MYO1B: variants seen among roughly 807,000 people sequenced by gnomAD.
The protein encoded by MYO1B is myosin IB.
Under a neutral mutation model 159.7 loss-of-function variants are expected in MYO1B, and 72 were observed. The ratio of observed to expected loss-of-function variants is 0.45; its 90% confidence interval spans 0.37 to 0.55. MYO1B has a LOEUF of 0.55. MYO1B is among the 20% of genes least tolerant of loss of function. The probability of loss-of-function intolerance (pLI) is 0.00; values close to 1 mark genes in which losing one functional copy is unlikely to be tolerated. For synonymous variants in MYO1B, 468 were observed against 473.8 expected (o/e 0.99, Z 0.16); for missense variants, 1,062 against 1,364.8 (o/e 0.78, Z 3.50).
intron 9 of MYO1B, among the ~76,000 whole-genome samples, chr2:191,363,118 T>C (rs1693779132): frequency 6.6e-6 from 1 of 152,230 alleles, no homozygotes; most frequent in African/African-American, 2.4e-5. Flanking sequence ...AAAAAGAAAG[T>C]ATCTCTTACA....
intron 30 of MYO1B, among the ~76,000 whole-genome samples, chr2:191,419,063 T>C (rs982844071): frequency 6.6e-6 from 1 of 152,242 alleles, no homozygotes; most frequent in Non-Finnish European, 1.5e-5. Flanking sequence ...GTTGTAATGT[T>C]ATAGTGCAAG....
At chr2:191,417,672 C>T (rs1158345813) in intron 30 of MYO1B, among the ~76,000 whole-genome samples, 1 of 152,120 alleles carries the variant, frequency 6.6e-6, no homozygotes, top group Non-Finnish European at 1.5e-5. Flanking sequence ...TTTCCCAAAC[C>T]GGGATTCTAG....
intron 7 of MYO1B, among the ~76,000 whole-genome samples, chr2:191,354,274 TAATAATA>T (rs1257354778): frequency 6.8e-6 from 1 of 146,932 alleles, no homozygotes; most frequent in African/African-American, 2.5e-5. Flanking sequence ...ATAATAATAA[TAATAATA>T]ATAATAATAA....
intron 30 of MYO1B, among the ~76,000 whole-genome samples, chr2:191,422,462 T>C (rs1697997522): frequency 6.6e-6 from 1 of 152,192 alleles, no homozygotes; most frequent in Admixed American, 6.5e-5. Context: ...CCAGCAGTGG[T>C]CCACATGATA....
At position 191,331,489 on chromosome 2, in the gene MYO1B, A is replaced by G. The variant is rs181826187; in HGVS notation, c.346+1460A>G. Among the ~76,000 whole-genome samples the G allele has an allele frequency of 1.4e-4, 21 of 152,186 alleles. 1 individual carries two copies. The highest frequency in any genetic ancestry group is 5.2e-4 in the Admixed American group (8 of 15,284). On this transcript the variant is annotated intron_variant, in intron 4 of 30. Coordinates refer to ENST00000392318, the MANE Select transcript of MYO1B (RefSeq NM_001130158.3). ...AGTCTGCTACCTGGAACTTTACCAT[A>G]TTTGTCTTCCTTCTCCTCTACAGGA...
chr2:191,259,910 G>A (rs1006747154), intron 1 of MYO1B, among the ~76,000 whole-genome samples: 2 of 152,134 alleles, frequency 1.3e-5, no homozygotes, highest in African/African-American at 4.8e-5. Context: ...TGAAATGCAA[G>A]GTCCGGAGCT....
rs535576887 is a variant in MYO1B at position 191,310,038 on chromosome 2, A to G, written c.251+13812A>G. On this transcript the variant is annotated intron_variant, in intron 3 of 30. Coordinates refer to ENST00000392318, the MANE Select transcript of MYO1B (RefSeq NM_001130158.3). ...AGCTGCTGTTGGTTAGAAACTGTAGAAGACATGGTTTTGTCTTTAAGGATT... is the reference window on the plus strand; with the variant it reads ...AGCTGCTGTTGGTTAGAAACTGTAGGAGACATGGTTTTGTCTTTAAGGATT... Among the ~76,000 whole-genome samples, 10 of 152,312 alleles carry G rather than the reference A, an allele frequency of 6.6e-5. No individual in the cohort carries two copies. The South Asian group carries it at 2.1e-3, about 32-fold the overall frequency.
intron 2 of MYO1B, among the ~76,000 whole-genome samples, chr2:191,286,118 G>A (rs1466215183): frequency 6.6e-6 from 1 of 152,088 alleles, no homozygotes; most frequent in Non-Finnish European, 1.5e-5. Context: ...TAGGCTATTA[G>A]CATCAATTTT....
chr2:191,411,353 G>T (rs1697238420), intron 27 of MYO1B, among the ~76,000 whole-genome samples, 181 bp downstream of exon 27: 1 of 152,158 alleles, frequency 6.6e-6, no homozygotes, highest in African/African-American at 2.4e-5. Flanking sequence ...CTATAGTGCA[G>T]TTTAATGAAA....
intron 3 of MYO1B, among the ~76,000 whole-genome samples, chr2:191,299,045 A>C (rs1049628477): frequency 6.6e-6 from 1 of 152,104 alleles, no homozygotes; most frequent in Non-Finnish European, 1.5e-5. Flanking sequence ...CTCTTTTTGC[A>C]TTTTCAGCTT....
chr2:191,367,862 C>G lies in MYO1B; in HGVS notation c.1033-1680C>G, dbSNP rs73060747. ...AGTACATCTATAGACTAACTGTGTGCTAGGCATTATTCTAAGCACTTAAAT... is the reference window on the plus strand; with the variant it reads ...AGTACATCTATAGACTAACTGTGTGGTAGGCATTATTCTAAGCACTTAAAT... On this transcript the variant is annotated intron_variant, in intron 11 of 30. Transcript: ENST00000392318. Among the ~76,000 whole-genome samples the G allele has an allele frequency of 9.7e-3, 1,470 of 152,292 alleles. 25 individuals are homozygous for G. Among genetic ancestry groups the G allele is most frequent in the African/African-American group, 0.034 (1,399 of 41,554 alleles).
chr2:191,410,033 A>G (rs1033970813), intron 26 of MYO1B, among the ~76,000 whole-genome samples: 1 of 152,186 alleles, frequency 6.6e-6, no homozygotes, highest in Non-Finnish European at 1.5e-5. Flanking sequence ...GATTAGCTTG[A>G]TAAGTGGTAC....
At chr2:191,423,310 GTCTA>G (rs1196765164) in intron 30 of MYO1B, among the ~76,000 whole-genome samples, 19 of 152,276 alleles carry the variant, frequency 1.2e-4, no homozygotes, top group Middle Eastern at 3.4e-3. Flanking sequence ...GTAAATAGTT[GTCTA>G]TCTAAACAGA....
At chr2:191,398,396 CGGGGCGGCTGGCCGGGCGGGGGGCTGA>C in intron 21 of MYO1B, among the ~76,000 whole-genome samples, 1 of 102,088 alleles carries the variant, frequency 9.8e-6, no homozygotes, top group East Asian at 2.9e-4. Flanking sequence ...ACCTCCCGGA[CGGGGCGGCTGGCCGGGCGGGGGGCTGA>C]CCCCCCCCCA....
chr2:191,364,488 C>T (rs1454348784), intron 11 of MYO1B, among the ~76,000 whole-genome samples: 1 of 150,710 alleles, frequency 6.6e-6, no homozygotes, highest in Non-Finnish European at 1.5e-5. Context: ...AATCAGTAGA[C>T]ATAAGAAACA....
intron 1 of MYO1B, among the ~76,000 whole-genome samples, chr2:191,254,834 G>T (rs1312000366): frequency 6.6e-6 from 1 of 152,158 alleles, no homozygotes; most frequent in African/African-American, 2.4e-5. Context: ...TAAGGAAGGG[G>T]TGACTTTTAG....
intron 3 of MYO1B, among the ~76,000 whole-genome samples, chr2:191,321,938 T>C (rs1690743517): frequency 6.6e-6 from 1 of 152,072 alleles, no homozygotes; most frequent in Non-Finnish European, 1.5e-5. Context: ...ATGAAATCCT[T>C]TGGGAGCCCT....
At chr2:191,392,296 C>A in intron 19 of MYO1B, 95 bp downstream of exon 19, 3 of 848,778 alleles carry the variant, frequency 3.5e-6, no homozygotes, top group Non-Finnish European at 5.4e-6. Context: ...ATATGAGGGG[C>A]CACCATGAAT....
chr2:191,416,062 T>C (rs1042253238), intron 29 of MYO1B, 53 bp from the exon 30 acceptor site: 18 of 1,575,442 alleles, frequency 1.1e-5, no homozygotes, highest in Admixed American at 1.9e-5. Context: ...CCTGTAAATA[T>C]TGACCTTCTA....
Sources: allele counts gnomAD v4.1 joint callset (sites outside exome capture counted in the v4.1 genomes callset), GRCh38; gene constraint gnomAD v4.1.1; transcripts MANE v1.5; gene names NCBI Gene and HGNC (gene_info 2026-07-23, HGNC 2026-07-21).